LRRIQ3: variants seen among roughly 807,000 people sequenced by gnomAD.
LRRIQ3 encodes leucine rich repeats and IQ motif containing 3.
In LRRIQ3, 75 loss-of-function variants were observed where a neutral mutation model predicts 59.3. The observed-to-expected ratio is 1.26, with a 90% CI of 1.05 to 1.53. The LOEUF (loss-of-function observed/expected upper bound fraction) is 1.53, where lower values mean the gene tolerates loss of function less well. Among genes scored for constraint, LRRIQ3 ranks in the 40% most tolerant of loss-of-function variants. LRRIQ3 has a pLI of 0.00. For missense variants in LRRIQ3, 831 were observed against 710.0 expected (o/e 1.17, Z -1.94); for synonymous variants, 250 against 231.3 (o/e 1.08, Z -0.73).
At chr1:74,184,919 A>G (rs1000414414) in intron 1 of LRRIQ3, among the ~76,000 whole-genome samples, 3 of 152,212 alleles carry the variant, frequency 2.0e-5, no homozygotes, top group Non-Finnish European at 4.4e-5. Flanking sequence ...TAGAAAAGAT[A>G]TAAGTCTTTC....
At chr1:74,065,602 A>C (rs956635983) in intron 6 of LRRIQ3, among the ~76,000 whole-genome samples, 9 of 152,280 alleles carry the variant, frequency 5.9e-5, no homozygotes, top group African/African-American at 2.2e-4. Flanking sequence ...ATTTGCTTTA[A>C]ATCATATATC....
At chr1:74,128,543 T>C (rs553681629) in intron 4 of LRRIQ3, among the ~76,000 whole-genome samples, 7 of 152,240 alleles carry the variant, frequency 4.6e-5, no homozygotes, top group African/African-American at 1.7e-4. Flanking sequence ...GAAGGCTATT[T>C]TAAATCATCT....
chr1:74,168,405 CCTA>C (rs1284607424), intron 3 of LRRIQ3, among the ~76,000 whole-genome samples: 3 of 151,998 alleles, frequency 2.0e-5, no homozygotes, highest in South Asian at 2.1e-4. Context: ...GCTACTCAAT[CCTA>C]CTTTTAACTA....
chr1:74,156,149 A>T (rs934332533), intron 3 of LRRIQ3, among the ~76,000 whole-genome samples: 1 of 151,972 alleles, frequency 6.6e-6, no homozygotes, highest in Admixed American at 6.6e-5. Flanking sequence ...TGATGAGTGA[A>T]CTTCTTGCTC....
chr1:74,162,386 C>A (rs1487582426), intron 3 of LRRIQ3, among the ~76,000 whole-genome samples: 1 of 151,650 alleles, frequency 6.6e-6, no homozygotes, highest in Non-Finnish European at 1.5e-5. Flanking sequence ...TAGCAAAGAA[C>A]AAAAGATGCT....
chr1:74,114,796 G>A (rs1480931698), intron 4 of LRRIQ3, among the ~76,000 whole-genome samples: 1 of 146,468 alleles, frequency 6.8e-6, no homozygotes, highest in Non-Finnish European at 1.5e-5. Flanking sequence ...AATCAATAAA[G>A]AAATGTAAAT....
At chr1:74,062,401 A>T (rs1654745651) in intron 6 of LRRIQ3, among the ~76,000 whole-genome samples, 1 of 152,240 alleles carries the variant, frequency 6.6e-6, no homozygotes, top group South Asian at 2.1e-4. Context: ...AAGTCAAAAA[A>T]CGACAGATGC....
At chr1:74,066,596 C>T (rs1360023260) in intron 6 of LRRIQ3, among the ~76,000 whole-genome samples, 1 of 152,098 alleles carries the variant, frequency 6.6e-6, no homozygotes, top group Non-Finnish European at 1.5e-5. Context: ...ATTGAGTATA[C>T]ACATGTGCTA....
At chr1:74,082,895 G>T (rs1253216993) in intron 5 of LRRIQ3, 1 of 151,414 alleles carries the variant, frequency 6.6e-6, no homozygotes, top group Non-Finnish European at 1.5e-5. Flanking sequence ...TTATCCCCCT[G>T]CAACTTGGAA....
chr1:74,077,625 G>A (rs909049939), intron 5 of LRRIQ3, among the ~76,000 whole-genome samples: 1 of 151,770 alleles, frequency 6.6e-6, no homozygotes, highest in Non-Finnish European at 1.5e-5. Context: ...CATGTATCTG[G>A]CTGTCATTGC....
At chr1:74,044,581 C>T (rs187741968) in intron 6 of LRRIQ3, among the ~76,000 whole-genome samples, 29 of 152,114 alleles carry the variant, frequency 1.9e-4, no homozygotes, top group African/African-American at 6.3e-4. Flanking sequence ...CAAACAAATT[C>T]AAAAGCTAGC....
intron 7 of LRRIQ3, among the ~76,000 whole-genome samples, chr1:74,031,672 T>A: frequency 6.6e-6 from 1 of 151,486 alleles, no homozygotes; most frequent in South Asian, 2.1e-4. Flanking sequence ...AATGAGGAGT[T>A]ACTGGGTGCA....
intron 4 of LRRIQ3, among the ~76,000 whole-genome samples, chr1:74,126,693 C>T (rs2100599202): frequency 6.6e-6 from 1 of 151,824 alleles, no homozygotes; most frequent in East Asian, 1.9e-4. Context: ...TAGTTTTATT[C>T]CATTGTCATC....
chr1:74,120,741 A>G (rs1185109868), intron 4 of LRRIQ3, among the ~76,000 whole-genome samples: 1 of 152,048 alleles, frequency 6.6e-6, no homozygotes. Context: ...TTTAATAAAT[A>G]GCTCAGTCTT....
chr1:74,054,229 C>A (rs7417196), intron 6 of LRRIQ3, among the ~76,000 whole-genome samples: 120,805 of 149,598 alleles, frequency 0.81, 50,107 homozygotes, highest in East Asian at 0.97. Flanking sequence ...TAAAAAAAAA[C>A]CACGAAAAAT....
chr1:74,051,341 A>T (rs1260136361), intron 6 of LRRIQ3, among the ~76,000 whole-genome samples: 2 of 152,204 alleles, frequency 1.3e-5, no homozygotes, highest in Admixed American at 1.3e-4. Context: ...ATTATCAGTT[A>T]TTAAGGCTGC....
chr1:74,051,626 A>G (rs1020481925), intron 6 of LRRIQ3, among the ~76,000 whole-genome samples: 2 of 152,046 alleles, frequency 1.3e-5, no homozygotes, highest in Non-Finnish European at 2.9e-5. Flanking sequence ...GAAACCCCAT[A>G]CGCATTAGAG....
intron 5 of LRRIQ3, among the ~76,000 whole-genome samples, chr1:74,097,099 G>C (rs1570106203): frequency 6.6e-6 from 1 of 152,196 alleles, no homozygotes; most frequent in East Asian, 1.9e-4. Flanking sequence ...ATTTAAGTCT[G>C]CCGAGGTTTC....
At chr1:74,071,491 T>A (rs1655027936) in intron 6 of LRRIQ3, among the ~76,000 whole-genome samples, 1 of 152,130 alleles carries the variant, frequency 6.6e-6, no homozygotes, top group Non-Finnish European at 1.5e-5. Flanking sequence ...AGAGACTTTG[T>A]TTTTCCAAGT....
Sources: allele counts gnomAD v4.1 joint callset (sites outside exome capture counted in the v4.1 genomes callset), GRCh38; gene constraint gnomAD v4.1.1; transcripts MANE v1.5; gene names NCBI Gene and HGNC (gene_info 2026-07-23, HGNC 2026-07-21).